EXOC3: variants seen among roughly 807,000 people sequenced by gnomAD.
The protein encoded by EXOC3 is exocyst complex component 3.
EXOC3 carries 21 observed loss-of-function variants against 73.7 expected under a neutral mutation model. The observed-to-expected ratio is 0.29, with a 90% CI of 0.20 to 0.41. The LOEUF is 0.41. Ranked by LOEUF, EXOC3 falls within the 10% of genes least tolerant of loss-of-function variation. The pLI is 1.00. For missense variants in EXOC3, 842 were observed against 985.1 expected (o/e 0.85, Z 1.95); for synonymous variants, 410 against 389.1 (o/e 1.05, Z -0.63).
intron 5 of EXOC3, 26 bp downstream of exon 5, chr5:457,032 C>T (rs1490991141): frequency 2.0e-6 from 3 of 1,519,606 alleles, no homozygotes; most frequent in Admixed American, 1.7e-5. Context: ...CTGCGTGCCA[C>T]AGACCACCGT....
intron 1 of EXOC3, among the ~76,000 whole-genome samples, chr5:443,812 C>T (rs1036807888): frequency 6.6e-5 from 10 of 151,464 alleles, no homozygotes; most frequent in African/African-American, 2.4e-4. Flanking sequence ...CGGTGTCCCC[C>T]CCCAGGCGCA....
At chr5:466,467 C>T (rs1399545170) in intron 12 of EXOC3, 3 of 482,566 alleles carry the variant, frequency 6.2e-6, no homozygotes, top group Non-Finnish European at 1.1e-5. Flanking sequence ...GAGCTCTCCA[C>T]GGTCTCCCCT....
intron 5 of EXOC3, chr5:457,631 T>G (rs181276386): frequency 1.2e-4 from 41 of 353,878 alleles, no homozygotes; most frequent in African/African-American, 8.3e-4. Context: ...TCCTCCAGCA[T>G]GAGGTGCAGC....
intron 7 of EXOC3, among the ~76,000 whole-genome samples, chr5:459,865 G>T (rs757223975): frequency 6.6e-6 from 1 of 152,242 alleles, no homozygotes; most frequent in Non-Finnish European, 1.5e-5. Flanking sequence ...AGGCAGCCAT[G>T]ACCTGGCACG....
chr5:466,045 A>T, intron 12 of EXOC3, 200 bp downstream of exon 12: 64 of 391,942 alleles, frequency 1.6e-4, no homozygotes, highest in Non-Finnish European at 2.2e-4. Flanking sequence ...CCTGGGCTAC[A>T]GTGTGGGTGG....
intron 3 of EXOC3, 104 bp from the exon 4 acceptor site, chr5:453,266 G>T: frequency 1.3e-6 from 1 of 773,616 alleles, no homozygotes; most frequent in Non-Finnish European, 2.1e-6. Flanking sequence ...TTGTTAGCTA[G>T]GGAGATGTGG....
intron 2 of EXOC3, 145 bp downstream of exon 2, chr5:446,494 T>C: frequency 1.4e-6 from 1 of 734,892 alleles, no homozygotes; most frequent in Non-Finnish European, 2.2e-6. Flanking sequence ...CTTTCAGCAG[T>C]GTATTACCAC....
intron 12 of EXOC3, chr5:466,269 G>A (rs566690027): frequency 1.1e-3 from 270 of 248,750 alleles, no homozygotes; most frequent in Admixed American, 2.0e-3. Flanking sequence ...GGAGTCCCCA[G>A]TACCAGGTCC....
intron 4 of EXOC3, among the ~76,000 whole-genome samples, chr5:455,110 T>C (rs1429133256): frequency 6.6e-6 from 1 of 152,184 alleles, no homozygotes; most frequent in Admixed American, 6.5e-5. Context: ...CTGCCGCTCA[T>C]CCTCATGGCC....
chr5:461,964 A>G lies in EXOC3; in HGVS notation c.1396A>G (p.Lys466Glu), dbSNP rs1314593154. Residue 466 changes from lysine to glutamate, a missense_variant, in exon 8 of 13, where the codon AAA becomes GAA. Transcript: ENST00000512944. Reference protein sequence around the residue: ...QQMNSFLSRYKDEAQLYKEEH... With the variant: ...QQMNSFLSRYEDEAQLYKEEH... ...CCGAAGCCTGTCTGTCCTCAGATATAAAGATGAAGCGCAGCTGTATAAAGA... is the reference window on the plus strand; with the variant it reads ...CCGAAGCCTGTCTGTCCTCAGATATGAAGATGAAGCGCAGCTGTATAAAGA... The G allele has an allele frequency of 6.3e-7, 1 of 1,585,914 alleles. No individual in the cohort carries two copies.
At chr5:464,642 C>A (rs1738083362) in intron 10 of EXOC3, 1 of 486,202 alleles carries the variant, frequency 2.1e-6, no homozygotes, top group African/African-American at 1.9e-5. Flanking sequence ...AGCCATGGTT[C>A]CCGGAGAGGC....
At chr5:460,831 C>T (rs2126584835) in intron 7 of EXOC3, among the ~76,000 whole-genome samples, 1 of 152,322 alleles carries the variant, frequency 6.6e-6, no homozygotes, top group Non-Finnish European at 1.5e-5. Flanking sequence ...GTTCCTTGAT[C>T]ACCCTCAGCT....
rs752452703 is a variant in EXOC3, at chr5:459,414, A to G, written c.1346A>G (p.Lys449Arg). 8 of 1,574,940 alleles carry G rather than the reference A, an allele frequency of 5.1e-6. No individual in the cohort carries two copies. In the African/African-American group the frequency reaches 1.1e-4, roughly 21 times the overall value. ...AAQISEDLKT[K>R]VLVLCLQQMN... ...CAGATAAGTGAAGATTTGAAAACAA[A>G]GGTACTAGTTTTATGTCTTCAGCAG... Residue 449 changes from lysine (K) to arginine (R), a missense_variant, in exon 7 of 13, where the codon AAG becomes AGG. Physicochemically the swap from Lys to Arg is conservative, Grantham distance 26 (BLOSUM62 2). Transcript: ENST00000512944.
At position 466,403 on chromosome 5, in the gene EXOC3, C is replaced by T. The variant is rs546095400; in HGVS notation, c.2067-324C>T. 7.3e-5 allele frequency: 23 copies of T among 313,506 alleles called. No individual in the cohort carries two copies. The East Asian group carries it at 1.1e-3, about 15-fold the overall frequency. The allele number at this position is 313,506 out of a possible 1,614,324, so 19.4% of individuals were successfully genotyped here. ...AAGGGGCCACCTCCATGGCTGCAGC[C>T]GCGTCACCTCCGTCCCATCATCTCG... On this transcript the variant is annotated intron_variant, in intron 12 of 12. Coordinates refer to ENST00000512944, the MANE Select transcript of EXOC3 (RefSeq NM_007277.5).
intron 5 of EXOC3, 135 bp downstream of exon 5, chr5:457,141 C>T (rs1019172870): frequency 4.6e-6 from 3 of 658,462 alleles, no homozygotes; most frequent in African/African-American, 3.6e-5. Context: ...GTTGCCCGGG[C>T]TCTGCTTCCA....
At chr5:458,884 T>C (rs2434698) in intron 6 of EXOC3, among the ~76,000 whole-genome samples, 66,359 of 151,752 alleles carry the variant, frequency 0.44, 14,959 homozygotes, top group African/African-American at 0.55. Context: ...TGGAAACAGA[T>C]GCCGTGAGAA....
chr5:456,401 C>T (rs919794241), intron 4 of EXOC3, among the ~76,000 whole-genome samples: 10 of 13,954 alleles, frequency 7.2e-4, no homozygotes, highest in Non-Finnish European at 1.3e-3. Flanking sequence ...GCTGTGGGGG[C>T]GGCTGTGCTT....
chr5:457,223 C>T (rs983566343), intron 5 of EXOC3: 5 of 562,020 alleles, frequency 8.9e-6, no homozygotes, highest in East Asian at 3.0e-5. Flanking sequence ...AGCTTGTCCT[C>T]TGCTGGAGAC....
intron 3 of EXOC3, among the ~76,000 whole-genome samples, chr5:450,020 C>T (rs1256538324): frequency 6.6e-6 from 1 of 152,134 alleles, no homozygotes. Flanking sequence ...CTGAGGCAGG[C>T]GGATCACCTG....
Sources: allele counts gnomAD v4.1 joint callset (sites outside exome capture counted in the v4.1 genomes callset), GRCh38; gene constraint gnomAD v4.1.1; transcripts MANE v1.5; gene names NCBI Gene and HGNC (gene_info 2026-07-23, HGNC 2026-07-21).